Variants in MID1 observed in about 807,000 individuals in gnomAD.
MID1 encodes the protein midline 1, also known as E3 ubiquitin-protein ligase Midline-1.
A neutral mutation model predicts 40.4 loss-of-function variants in MID1; 7 were observed. The observed-to-expected ratio is 0.17, with a 90% CI of 0.10 to 0.33. The LOEUF (loss-of-function observed/expected upper bound fraction) is 0.33, where lower values mean the gene tolerates loss of function less well. Ranked by LOEUF, MID1 falls within the 10% of genes least tolerant of loss-of-function variation. The pLI is 1.00. For missense variants in MID1, 367 were observed against 558.5 expected (o/e 0.66, Z 3.46); for synonymous variants, 229 against 221.2 (o/e 1.04, Z -0.31).
chrX:10,762,413 T>C (rs1324102243), intron 1 of MID1, among the ~76,000 whole-genome samples: 1 of 111,170 alleles, frequency 9.0e-6, no homozygotes, highest in Non-Finnish European at 1.9e-5. Flanking sequence ...AGTTTCATCT[T>C]ATGGACACAT....
chrX:10,476,196 G>A (rs1161810151), intron 5 of MID1, among the ~76,000 whole-genome samples: 2 of 111,757 alleles, frequency 1.8e-5, no homozygotes, highest in Admixed American at 9.5e-5. Context: ...GTAGATTGGT[G>A]GTTGCTAGGG....
chrX:10,604,344 A>G (rs757720854), intron 1 of MID1, among the ~76,000 whole-genome samples: 16 of 111,802 alleles, frequency 1.4e-4, no homozygotes, highest in Non-Finnish European at 2.4e-4. Flanking sequence ...CTGAAATTTA[A>G]AAACACAGGC....
intron 1 of MID1, among the ~76,000 whole-genome samples, chrX:10,630,030 CAGTA>C (rs956948023): frequency 8.9e-6 from 1 of 111,820 alleles, no homozygotes; most frequent in Non-Finnish European, 1.9e-5. Context: ...CATAGGTATT[CAGTA>C]AGTATTTATG....
chrX:10,624,325 A>G (rs1298489864), upstream of MID1, among the ~76,000 whole-genome samples: 3 of 112,224 alleles, frequency 2.7e-5, no homozygotes, highest in Non-Finnish European at 5.6e-5. Context: ...TTGGATGACC[A>G]ACACTGGAAA....
intron 1 of MID1, among the ~76,000 whole-genome samples, chrX:10,702,692 A>G (rs1238595730): frequency 8.9e-6 from 1 of 112,551 alleles, no homozygotes. Context: ...CAAAAACTCT[A>G]TTGGACAGTT....
intron 4 of MID1, among the ~76,000 whole-genome samples, chrX:10,489,251 T>C (rs1425976363): frequency 8.9e-6 from 1 of 112,253 alleles, no homozygotes; most frequent in Non-Finnish European, 1.9e-5. Flanking sequence ...ACCCAACATA[T>C]AAATATTTTC....
At chrX:10,503,260 G>A (rs1931649286) in intron 3 of MID1, among the ~76,000 whole-genome samples, 1 of 111,974 alleles carries the variant, frequency 8.9e-6, no homozygotes, top group Non-Finnish European at 1.9e-5. Context: ...TAATACTTCA[G>A]TCTGTATATA....
At chrX:10,611,230 A>G (rs1935731366) in intron 1 of MID1, among the ~76,000 whole-genome samples, 1 of 112,257 alleles carries the variant, frequency 8.9e-6, no homozygotes, top group African/African-American at 3.2e-5. Context: ...TAAGTTGATC[A>G]CTTGAAGAAC....
chrX:10,570,014 C>A (rs1361526665), intron 1 of MID1, among the ~76,000 whole-genome samples: 1 of 112,059 alleles, frequency 8.9e-6, no homozygotes, highest in East Asian at 2.8e-4. Context: ...AGCAAGAGAG[C>A]CTGTTGTTAA....
intron 1 of MID1, among the ~76,000 whole-genome samples, chrX:10,572,617 C>G (rs1934768374): frequency 9.2e-6 from 1 of 109,121 alleles, no homozygotes; most frequent in African/African-American, 3.4e-5. Flanking sequence ...CTTTTCTTAA[C>G]TGTCATAATG....
At chrX:10,647,813 A>G (rs1215461770) in intron 1 of MID1, among the ~76,000 whole-genome samples, 1 of 111,824 alleles carries the variant, frequency 8.9e-6, no homozygotes, top group Non-Finnish European at 1.9e-5. Context: ...ACGTAGGTAA[A>G]AGAAGAGCAG....
intron 1 of MID1, among the ~76,000 whole-genome samples, chrX:10,612,064 G>A (rs892974989): frequency 8.9e-6 from 1 of 112,034 alleles, no homozygotes; most frequent in African/African-American, 3.2e-5. Context: ...CCAAAACAAT[G>A]TAGTTTATAT....
intron 3 of MID1, among the ~76,000 whole-genome samples, chrX:10,522,255 T>G (rs970633403): frequency 4.5e-5 from 5 of 111,748 alleles, no homozygotes; most frequent in Non-Finnish European, 9.4e-5. Flanking sequence ...CAGGAGAATG[T>G]GATAACGGAG....
chrX:10,804,774 C>A (rs913074198), intron 1 of MID1, among the ~76,000 whole-genome samples: 1 of 111,175 alleles, frequency 9.0e-6, no homozygotes, highest in Admixed American at 9.6e-5. Context: ...CTACAGAGGG[C>A]TGGAATAAGG....
intron 1 of MID1, among the ~76,000 whole-genome samples, chrX:10,600,895 T>G (rs910270887): frequency 7.2e-5 from 8 of 111,850 alleles, no homozygotes; most frequent in African/African-American, 2.6e-4. Context: ...TGAATAACTT[T>G]GCTGTTAAAA....
Position 10,448,720 on chromosome X carries a change from C to G in MID1, c.*648G>C, listed in dbSNP as rs1037943690. On this transcript the variant is annotated 3_prime_UTR_variant, in exon 10 of 10. Transcript: ENST00000317552. The stretch of plus-strand genomic sequence containing the variant: ...CAGAACCTTTCTTTCCAACATTATC[C>G]CATCAGCTATGAGAAGGTAAAGATT... 33 of 112,336 alleles carry G rather than the reference C, an allele frequency of 2.9e-4. No homozygotes were observed. Among genetic ancestry groups the G allele is most frequent in the African/African-American group, 9.1e-4 (28 of 30,892 alleles). 9.3% of individuals were successfully genotyped at this position (112,336 alleles called of 1,213,427 possible). A position where few individuals can be genotyped will look rare whatever the true frequency, so the allele number is the denominator to read the frequency against.
intron 9 of MID1, among the ~76,000 whole-genome samples, chrX:10,454,124 A>C (rs1928511934): frequency 8.9e-6 from 1 of 112,008 alleles, no homozygotes; most frequent in African/African-American, 3.3e-5. Flanking sequence ...AACTAATTCC[A>C]ATGTAATTGT....
chrX:10,542,914 T>G (rs1167690129), intron 2 of MID1, among the ~76,000 whole-genome samples: 4 of 112,511 alleles, frequency 3.6e-5, no homozygotes, highest in Non-Finnish European at 7.5e-5. Context: ...GTGGAAGTCT[T>G]AATTCAATGA....
intron 2 of MID1, among the ~76,000 whole-genome samples, chrX:10,533,429 AAGAAAGAG>A (rs1569090032): frequency 1.9e-5 from 2 of 104,084 alleles, no homozygotes; most frequent in African/African-American, 3.5e-5. Context: ...GAAAGAAAGA[AAGAAAGAG>A]AAAGAAAAGA....
Sources: allele counts gnomAD v4.1 joint callset (sites outside exome capture counted in the v4.1 genomes callset), GRCh38; gene constraint gnomAD v4.1.1; transcripts MANE v1.5; gene names NCBI Gene and HGNC (gene_info 2026-07-23, HGNC 2026-07-21).